Variants in ARHGAP32 observed in about 807,000 individuals in gnomAD.
The protein encoded by ARHGAP32 is rho GTPase-activating protein 32.
Under a neutral mutation model 186.5 loss-of-function variants are expected in ARHGAP32, and 51 were observed. That is an observed-to-expected ratio of 0.27 (90% CI 0.22 to 0.35). ARHGAP32 has a LOEUF of 0.35. ARHGAP32 is among the 10% of genes least tolerant of loss of function. The pLI, the probability that ARHGAP32 is intolerant of heterozygous loss-of-function variation, is 1.00. For synonymous variants in ARHGAP32, 950 were observed against 964.3 expected (o/e 0.99, Z 0.27); for missense variants, 2,186 against 2,623.5 (o/e 0.83, Z 3.64).
At chr11:129,166,709 A>C (rs373613137) in intron 1 of ARHGAP32, among the ~76,000 whole-genome samples, 47 of 152,250 alleles carry the variant, frequency 3.1e-4, no homozygotes, top group African/African-American at 1.1e-3. Context: ...AGCTGAAAAA[A>C]ACTACCACCA....
At chr11:129,252,612 C>T (rs971396368) in intron 1 of ARHGAP32, among the ~76,000 whole-genome samples, 1 of 152,134 alleles carries the variant, frequency 6.6e-6, no homozygotes, top group Non-Finnish European at 1.5e-5. Flanking sequence ...GTAGGAGGGG[C>T]AAGGTTCAAG....
At position 128,970,873 on chromosome 11, in the gene ARHGAP32, T is replaced by G; in HGVS notation, c.4340A>C (p.Asp1447Ala). The stretch of plus-strand genomic sequence containing the variant: ...ATGATAATTTGAACTGCTGGTGGCA[T>G]CTGCACTGCTGGAGTGTATGGCAGC... ...MIAAIHSSSA[D>A]ATSSSNYHSF... Residue 1447 changes from aspartate to alanine, a missense_variant, in exon 23 of 23, where the codon GAT (aspartate) becomes GCT (alanine). This residue lies in a region of ARHGAP32 where 1,502 missense variants were observed against 1,570.0 expected (regional missense o/e 0.96). Transcript: ENST00000682385. The surrounding 1 kb of genome is among the most constrained non-coding windows in gnomAD (Gnocchi z 5.8). The G allele has an allele frequency of 6.2e-7, 1 of 1,614,232 alleles. No individual in the cohort carries two copies. Among genetic ancestry groups the G allele is most frequent in the Non-Finnish European group, 8.5e-7 (1 of 1,180,038 alleles).
Position 129,063,985 on chromosome 11 carries a change from ACTC to A in ARHGAP32, c.799_801del (p.Glu267del), listed in dbSNP as rs1329970406. ...CCGACAGCAGGAGTGTTGATGGATG[ACTC>A]CTCATGAACCAAAAGGTGATTTCCC... On this transcript the variant is annotated inframe_deletion, in exon 9 of 23. Transcript: ENST00000682385. 1.9e-6 allele frequency: 3 copies of A among 1,612,268 alleles called. No individual in the cohort carries two copies. Among genetic ancestry groups the A allele is most frequent in the Non-Finnish European group, 2.5e-6 (3 of 1,179,088 alleles).
At chr11:129,268,106 A>G (rs1945428580) in intron 1 of ARHGAP32, among the ~76,000 whole-genome samples, 1 of 152,172 alleles carries the variant, frequency 6.6e-6, no homozygotes, top group South Asian at 2.1e-4. Flanking sequence ...CAGATCTGCA[A>G]TTTGTATCCC....
At chr11:128,971,242 A>T in intron 22 of ARHGAP32, 83 bp from the exon 23 acceptor site, 1 of 1,248,608 alleles carries the variant, frequency 8.0e-7, no homozygotes, top group Non-Finnish European at 1.1e-6. Flanking sequence ...CTCACAAATT[A>T]AGGCTGGTTG....
intron 11 of ARHGAP32, among the ~76,000 whole-genome samples, chr11:129,029,816 A>AC (rs1205224372): frequency 1.3e-5 from 2 of 150,426 alleles, no homozygotes; most frequent in Non-Finnish European, 3.0e-5. Flanking sequence ...AAAAAAAAAA[A>AC]AAAAAAAAAA....
At chr11:129,171,334 A>T (rs1296851118) in intron 1 of ARHGAP32, among the ~76,000 whole-genome samples, 1 of 151,994 alleles carries the variant, frequency 6.6e-6, no homozygotes, top group Non-Finnish European at 1.5e-5. Context: ...ATCCATCCTG[A>T]GTTAATTTTT....
intron 1 of ARHGAP32, among the ~76,000 whole-genome samples, chr11:129,201,121 A>G (rs1944450757): frequency 6.6e-6 from 1 of 152,200 alleles, no homozygotes; most frequent in Non-Finnish European, 1.5e-5. Flanking sequence ...AAATCAGATC[A>G]TAAGACAATT....
chr11:129,022,907 T>A (rs192820680), intron 11 of ARHGAP32, among the ~76,000 whole-genome samples: 1,927 of 152,208 alleles, frequency 0.013, 25 homozygotes, highest in Non-Finnish European at 0.021. Context: ...CATTCTTTTT[T>A]AAAAAAAGAA....
chr11:129,043,088 C>T (rs774326367), intron 10 of ARHGAP32, among the ~76,000 whole-genome samples: 1 of 152,298 alleles, frequency 6.6e-6, no homozygotes, highest in Non-Finnish European at 1.5e-5. Context: ...ATCCTGATGC[C>T]TTGAGGTACC....
chr11:129,034,807 G>A lies in ARHGAP32; in HGVS notation c.1045+6121C>T, dbSNP rs187536364. ...TGCACTCTGGCCTGGGAGACAGAGC[G>A]AAACTGTCTCAAAAAAAAGAAAAAG... On this transcript the variant is annotated intron_variant, in intron 11 of 22. Coordinates refer to ENST00000682385, the MANE Select transcript of ARHGAP32 (RefSeq NM_001378024.1). 5.4e-4 allele frequency among the ~76,000 whole-genome samples: 77 copies of A among 143,444 alleles called. 1 individual carries two copies. The East Asian group carries it at 0.01, about 19-fold the overall frequency. 94.1% of individuals were successfully genotyped at this position (143,444 alleles called of 152,430 possible). A position where few individuals can be genotyped will look rare whatever the true frequency, so the allele number is the denominator to read the frequency against.
chr11:129,203,331 T>C (rs1944479113), intron 1 of ARHGAP32, among the ~76,000 whole-genome samples: 1 of 152,160 alleles, frequency 6.6e-6, no homozygotes, highest in South Asian at 2.1e-4. Flanking sequence ...CAAGTGATAA[T>C]TTTTCTAGCA....
intron 15 of ARHGAP32, among the ~76,000 whole-genome samples, chr11:128,983,930 C>T (rs751870304): frequency 2.0e-5 from 3 of 152,112 alleles, no homozygotes; most frequent in Non-Finnish European, 2.9e-5. Context: ...TATAAAACTT[C>T]GCAACCTGGA....
At chr11:129,077,364 C>T (rs1195817653) in intron 6 of ARHGAP32, among the ~76,000 whole-genome samples, 2 of 152,078 alleles carry the variant, frequency 1.3e-5, no homozygotes. Context: ...GCCTGAAAGC[C>T]CTGCGTGTTT....
chr11:128,975,617 A>C (rs1427548430), intron 20 of ARHGAP32, among the ~76,000 whole-genome samples: 1 of 152,144 alleles, frequency 6.6e-6, no homozygotes, highest in East Asian at 1.9e-4. Context: ...AGTCTTCAAG[A>C]GTGGCAGAGA....
In ARHGAP32 at chr11:128,972,539, G is replaced by A; in HGVS notation, c.3967C>T (p.Pro1323Ser). 1.3e-6 allele frequency: 2 copies of A among 1,566,050 alleles called. No homozygotes were observed. The highest frequency in any genetic ancestry group is 1.7e-6 in the Non-Finnish European group (2 of 1,153,720). Residue 1323 changes from proline (P) to serine (S), a missense_variant, in exon 22 of 23, where the codon CCG becomes TCG. Coordinates refer to ENST00000682385, the MANE Select transcript of ARHGAP32 (RefSeq NM_001378024.1). ...TGCTCTGCAGATCTCTGGGAAGGCG[G>A]AGGGGGAAGGGGACGATTAGTTCTG... is the stretch of plus-strand genomic sequence containing the variant. ...THRTNRPLPPPPSQRSAEQPP... is the reference protein window; with the variant it reads ...THRTNRPLPPSPSQRSAEQPP...
At chr11:129,103,661 T>C (rs964439944) in intron 5 of ARHGAP32, among the ~76,000 whole-genome samples, 6 of 151,922 alleles carry the variant, frequency 3.9e-5, no homozygotes, top group African/African-American at 1.4e-4. Flanking sequence ...AAAACATACA[T>C]GACTCATGGT....
chr11:129,031,100 T>C (rs965483688), intron 11 of ARHGAP32, among the ~76,000 whole-genome samples: 2 of 152,174 alleles, frequency 1.3e-5, no homozygotes, highest in African/African-American at 4.8e-5. Flanking sequence ...TTACCCAATC[T>C]CAGGTATTTC....
chr11:129,045,819 A>G (rs780290899), intron 10 of ARHGAP32, among the ~76,000 whole-genome samples: 7 of 152,184 alleles, frequency 4.6e-5, no homozygotes, highest in Non-Finnish European at 7.4e-5. Flanking sequence ...CTCCAGGAAG[A>G]GAATGGAAGA....
Sources: allele counts gnomAD v4.1 joint callset (sites outside exome capture counted in the v4.1 genomes callset), GRCh38; gene constraint gnomAD v4.1.1; regional missense constraint gnomAD v4.1.1; non-coding constraint Gnocchi (gnomAD v3.1); transcripts MANE v1.5; gene names NCBI Gene and HGNC (gene_info 2026-07-23, HGNC 2026-07-21).